The following CSNK1A1 variants were observed in gnomAD, a reference collection of about 807,000 sequenced individuals.
The protein encoded by CSNK1A1 is casein kinase 1 alpha 1, also known as casein kinase I isoform alpha.
Under a neutral mutation model 46.1 loss-of-function variants are expected in CSNK1A1, and 7 were observed. The ratio of observed to expected loss-of-function variants is 0.15; its 90% CI spans 0.09 to 0.29. The LOEUF (loss-of-function observed/expected upper bound fraction) is 0.29. Among genes scored for constraint, CSNK1A1 ranks in the 10% least tolerant of loss-of-function variants. The pLI, the probability that CSNK1A1 is intolerant of heterozygous loss-of-function variation, is 1.00. For synonymous variants in CSNK1A1, 137 were observed against 141.5 expected (o/e 0.97, Z 0.23); for missense variants, 96 against 417.1 (o/e 0.23, Z 6.71).
chr5:149,521,337 A>AT (rs1334285441), intron 3 of CSNK1A1, among the ~76,000 whole-genome samples: 1 of 148,506 alleles, frequency 6.7e-6, no homozygotes, highest in African/African-American at 2.5e-5. Context: ...TGAAGCAACC[A>AT]TAACTCACTG....
chr5:149,499,317 G>A lies in CSNK1A1; in HGVS notation c.1007-2457C>T, dbSNP rs544249315. 27 of 687,074 alleles carry A rather than the reference G, an allele frequency of 3.9e-5. No homozygotes were observed. In the African/African-American group the frequency reaches 5.1e-4, roughly 13 times the overall value. 42.6% of individuals were successfully genotyped at this position (687,074 alleles called of 1,614,324 possible). A position where few individuals can be genotyped will look rare whatever the true frequency, so the allele number is the denominator to read the frequency against. On this transcript the variant is annotated intron_variant, in intron 9 of 9. Coordinates refer to ENST00000377843, the MANE Select transcript of CSNK1A1 (RefSeq NM_001892.6). ...TCCTTAAAAAAAAAGGGGAGGGGGA[G>A]GGGGGAGTTAAAACAGAGTTGGAGG...
intron 6 of CSNK1A1, among the ~76,000 whole-genome samples, chr5:149,510,593 C>T (rs1166313731): frequency 6.6e-6 from 1 of 151,988 alleles, no homozygotes; most frequent in African/African-American, 2.4e-5. Flanking sequence ...ATCCTCCCGG[C>T]TCAGCCTCCT....
intron 9 of CSNK1A1, chr5:149,497,843 CTTT>C: frequency 1.0e-6 from 1 of 971,650 alleles, no homozygotes; most frequent in Non-Finnish European, 1.2e-6. Context: ...GTTCTTTTTT[CTTT>C]TTTTTTGGAG....
chr5:149,542,484 G>A (rs1336404270), intron 2 of CSNK1A1, among the ~76,000 whole-genome samples: 15 of 111,250 alleles, frequency 1.3e-4, no homozygotes, highest in Admixed American at 2.4e-4. Context: ...TGTCTTCCAC[G>A]AAACCTGTCC....
chr5:149,521,265 CTCT>C (rs1246557713), intron 3 of CSNK1A1, among the ~76,000 whole-genome samples: 18 of 147,662 alleles, frequency 1.2e-4, no homozygotes, highest in African/African-American at 3.8e-4. Context: ...TTTGGATTTA[CTCT>C]TCTTTTTTTT....
rs1317854105 is a variant in CSNK1A1 at position 149,511,774 on chromosome 5, A to G, written c.675+20T>C. ...TCTAAAAAAGAGAGAGAAAAATCTG[A>G]TAATGTGAGTCTGGTTTACCTTTAG... On this transcript the variant is annotated intron_variant, in intron 6 of 9. Coordinates refer to ENST00000377843, the MANE Select transcript of CSNK1A1 (RefSeq NM_001892.6). The G allele has an allele frequency of 6.6e-7, 1 of 1,519,674 alleles. No homozygotes were observed. Among genetic ancestry groups the G allele is most frequent in the Non-Finnish European group, 9.0e-7 (1 of 1,107,570 alleles). The allele number at this position is 1,519,674 out of a possible 1,614,324, so 94.1% of individuals were successfully genotyped here.
At chr5:149,510,141 T>C (rs964747425) in intron 6 of CSNK1A1, among the ~76,000 whole-genome samples, 188 bp from the exon 7 acceptor site, 1 of 152,266 alleles carries the variant, frequency 6.6e-6, no homozygotes, top group Admixed American at 6.5e-5. Flanking sequence ...CTGATGTAAG[T>C]TTCTTCTCTA....
chr5:149,519,244 A>C (rs1761491894), intron 4 of CSNK1A1, among the ~76,000 whole-genome samples: 1 of 152,170 alleles, frequency 6.6e-6, no homozygotes, highest in East Asian at 1.9e-4. Context: ...AATGTCTCCC[A>C]GTTGGCATTC....
chr5:149,534,051 A>G (rs1761978054), intron 2 of CSNK1A1, among the ~76,000 whole-genome samples: 1 of 152,228 alleles, frequency 6.6e-6, no homozygotes, highest in South Asian at 2.1e-4. Flanking sequence ...AACAAACTGT[A>G]CAGCTTAAAT....
rs993149533 is a variant in CSNK1A1 at position 149,494,685 on chromosome 5, TAGA to T, written c.*2165_*2167del. 2.6e-5 allele frequency: 4 copies of T among 152,214 alleles called. No individual in the cohort carries two copies. Among genetic ancestry groups the T allele is most frequent in the Admixed American group, 2.0e-4 (3 of 15,272 alleles). The allele number at this position is 152,214 out of a possible 1,614,324, so 9.4% of individuals were successfully genotyped here. On this transcript the variant is annotated 3_prime_UTR_variant, in exon 10 of 10. Coordinates refer to ENST00000377843, the MANE Select transcript of CSNK1A1 (RefSeq NM_001892.6). Reference sequence around the variant, plus strand: ...AACAGTGAAGAAAATGAATGGTAGCTAGAAGATCAATGGGATTCCAGCTCCAGC... The same window carrying T: ...AACAGTGAAGAAAATGAATGGTAGCTAGATCAATGGGATTCCAGCTCCAGC...
chr5:149,499,349 T>C, intron 9 of CSNK1A1: 1 of 741,758 alleles, frequency 1.3e-6, no homozygotes. Context: ...GAGGATGTGA[T>C]GATTAAGAAG....
intron 9 of CSNK1A1, chr5:149,501,486 G>A (rs1218762031): frequency 1.0e-6 from 1 of 985,334 alleles, no homozygotes; most frequent in Admixed American, 6.1e-5. Context: ...ATGCAGCCCA[G>A]TAAAACTGGA....
intron 2 of CSNK1A1, among the ~76,000 whole-genome samples, chr5:149,546,484 T>C (rs1580867786): frequency 6.6e-6 from 1 of 151,792 alleles, no homozygotes; most frequent in East Asian, 1.9e-4. Flanking sequence ...AATACAAAAA[T>C]TAGCTGGGCG....
At chr5:149,542,612 AT>A (rs1762285103) in intron 2 of CSNK1A1, among the ~76,000 whole-genome samples, 4 of 11,516 alleles carry the variant, frequency 3.5e-4, no homozygotes, top group African/African-American at 6.7e-4. Flanking sequence ...ATATATATAT[AT>A]ATATATATAT....
At chr5:149,534,482 C>CAAAAAAAAAAAAAA (rs10597922) in intron 2 of CSNK1A1, among the ~76,000 whole-genome samples, 6 of 94,980 alleles carry the variant, frequency 6.3e-5, no homozygotes, top group African/African-American at 2.1e-4. Flanking sequence ...GACTCTGTCT[C>CAAAAAAAAAAAAAA]AAAAAAAAAA....
chr5:149,547,180 T>A (rs1762509013), intron 2 of CSNK1A1, among the ~76,000 whole-genome samples: 1 of 152,168 alleles, frequency 6.6e-6, no homozygotes, highest in African/African-American at 2.4e-5. Context: ...GATCCTGAAA[T>A]CCCATCTCTC....
intron 9 of CSNK1A1, chr5:149,499,305 AGGGG>A: frequency 1.8e-4 from 88 of 496,398 alleles, no homozygotes; most frequent in South Asian, 3.7e-4. Context: ...TTAAAAAAAA[AGGGG>A]AGGGGGAGGG....
At chr5:149,546,653 T>C (rs1435756521) in intron 2 of CSNK1A1, among the ~76,000 whole-genome samples, 2 of 151,232 alleles carry the variant, frequency 1.3e-5, no homozygotes, top group Non-Finnish European at 3.0e-5. Context: ...AAGCAAATCC[T>C]ATAGGGAATT....
chr5:149,499,950 G>GT (rs796205179), intron 9 of CSNK1A1, among the ~76,000 whole-genome samples: 28 of 138,152 alleles, frequency 2.0e-4, no homozygotes, highest in African/African-American at 5.8e-4. Context: ...TGGTTGTGGG[G>GT]TTTTTTTTCT....
Sources: allele counts gnomAD v4.1 joint callset (sites outside exome capture counted in the v4.1 genomes callset), GRCh38; gene constraint gnomAD v4.1.1; transcripts MANE v1.5; gene names NCBI Gene and HGNC (gene_info 2026-07-23, HGNC 2026-07-21).